Variants in PIGL observed in about 807,000 individuals in gnomAD.
The protein encoded by PIGL is N-acetylglucosaminyl-phosphatidylinositol de-N-acetylase.
A neutral mutation model predicts 31.1 loss-of-function variants in PIGL; 22 were observed. The observed-to-expected ratio is 0.71, with a 90% CI of 0.51 to 1.01. The LOEUF (loss-of-function observed/expected upper bound fraction) is 1.01. PIGL is among the 50% of genes least tolerant of loss of function. The pLI is 0.00. For missense variants in PIGL, 302 were observed against 315.9 expected (o/e 0.96, Z 0.33); for synonymous variants, 131 against 117.4 (o/e 1.12, Z -0.75).
intron 2 of PIGL, among the ~76,000 whole-genome samples, chr17:16,237,169 G>A (rs1420529072): frequency 1.4e-5 from 2 of 141,274 alleles, no homozygotes; most frequent in Non-Finnish European, 3.0e-5. Flanking sequence ...GTGCAGTGGT[G>A]CCATCTCAGC....
chr17:16,255,541 T>C (rs1279189817), intron 2 of PIGL, among the ~76,000 whole-genome samples: 2 of 152,238 alleles, frequency 1.3e-5, no homozygotes, highest in African/African-American at 4.8e-5. Context: ...AATAAATCCA[T>C]GCAAATCGTA....
intron 4 of PIGL, among the ~76,000 whole-genome samples, chr17:16,315,498 G>T (rs950511822): frequency 2.6e-5 from 4 of 151,852 alleles, no homozygotes; most frequent in African/African-American, 9.7e-5. Flanking sequence ...CCTGTCCCCA[G>T]GGCTCACTCC....
At chr17:16,246,120 G>A (rs1204152613) in intron 2 of PIGL, among the ~76,000 whole-genome samples, 1 of 151,710 alleles carries the variant, frequency 6.6e-6, no homozygotes, top group East Asian at 2.0e-4. Context: ...ACTGCGCCCG[G>A]TCATGGCACC....
intron 2 of PIGL, among the ~76,000 whole-genome samples, chr17:16,244,361 T>C (rs969699950): frequency 6.6e-6 from 1 of 152,120 alleles, no homozygotes; most frequent in Non-Finnish European, 1.5e-5. Flanking sequence ...AGCTTGGAGG[T>C]TAGAAGCAAG....
chr17:16,300,657 G>A (rs1249348674), intron 3 of PIGL, among the ~76,000 whole-genome samples: 1 of 151,616 alleles, frequency 6.6e-6, no homozygotes, highest in Non-Finnish European at 1.5e-5. Context: ...TCCAGCCTGG[G>A]TGGCAGAGTG....
At chr17:16,310,357 C>T (rs1302820831) in intron 3 of PIGL, among the ~76,000 whole-genome samples, 1 of 150,252 alleles carries the variant, frequency 6.7e-6, no homozygotes, top group Non-Finnish European at 1.5e-5. Context: ...TAACTATGTA[C>T]TTATCTTTTC....
Position 16,234,001 on chromosome 17 carries a change from A to G in PIGL, c.266A>G (p.Lys89Arg), listed in dbSNP as rs559720553. 8 of 1,609,704 alleles carry G rather than the reference A, an allele frequency of 5.0e-6. No homozygotes were observed. The African/African-American group carries it at 9.3e-5, about 19-fold the overall frequency. Residue 89 changes from lysine to arginine, a missense_variant, in exon 2 of 7, where the codon AAG becomes AGG. Transcript: ENST00000225609. Reference protein sequence around the residue: ...GNYYNQGETRKKELLQSCDVL... With the variant: ...GNYYNQGETRRKELLQSCDVL... ...TACTACAATCAAGGAGAGACTCGTA[A>G]GAAAGAACTTTTGCAGAGCTGTGAT...
intron 1 of PIGL, among the ~76,000 whole-genome samples, chr17:16,224,798 G>A (rs944056987): frequency 3.9e-5 from 6 of 151,960 alleles, no homozygotes; most frequent in African/African-American, 9.7e-5. Context: ...CTGGGACTAC[G>A]GGCATGTGCC....
chr17:16,237,805 CAAA>C (rs57265734), intron 2 of PIGL, among the ~76,000 whole-genome samples: 11 of 101,742 alleles, frequency 1.1e-4, no homozygotes, highest in Admixed American at 1.2e-4. Flanking sequence ...GTCTCAAAAG[CAAA>C]AAAAAAAAAA....
intron 1 of PIGL, among the ~76,000 whole-genome samples, chr17:16,223,397 C>T (rs1046412463): frequency 2.0e-5 from 3 of 150,998 alleles, no homozygotes; most frequent in African/African-American, 7.3e-5. Flanking sequence ...GCAAACACGG[C>T]GAAACCCCAT....
intron 6 of PIGL, among the ~76,000 whole-genome samples, chr17:16,318,737 C>T (rs2093089672): frequency 6.6e-6 from 1 of 151,302 alleles, no homozygotes; most frequent in South Asian, 2.1e-4. Flanking sequence ...TCAAGACCAG[C>T]CTGGCCAACA....
chr17:16,256,942 C>A (rs1030265096), intron 2 of PIGL, among the ~76,000 whole-genome samples: 2 of 152,032 alleles, frequency 1.3e-5, no homozygotes, highest in Admixed American at 6.6e-5. Context: ...CCCACTTCAG[C>A]CTCCTAAAGT....
intron 2 of PIGL, among the ~76,000 whole-genome samples, chr17:16,276,886 GTATAA>G: frequency 6.6e-6 from 1 of 152,290 alleles, no homozygotes; most frequent in African/African-American, 2.4e-5. Flanking sequence ...CTCATTATTT[GTATAA>G]AGTGCAGCAA....
intron 4 of PIGL, 110 bp from the exon 5 acceptor site, chr17:16,316,571 T>G (rs544917321): frequency 7.6e-5 from 80 of 1,051,442 alleles, no homozygotes; most frequent in Admixed American, 4.8e-4. Flanking sequence ...ACCTGGAGAC[T>G]CACATGGAGG....
At chr17:16,271,166 T>G (rs73287425) in intron 2 of PIGL, among the ~76,000 whole-genome samples, 7,421 of 152,238 alleles carry the variant, frequency 0.049, 624 homozygotes, top group African/African-American at 0.17. Context: ...TTAGGAATTA[T>G]TCTTCTTTAG....
intron 2 of PIGL, among the ~76,000 whole-genome samples, chr17:16,248,763 T>C (rs2092759046): frequency 6.6e-6 from 1 of 152,248 alleles, no homozygotes; most frequent in South Asian, 2.1e-4. Flanking sequence ...TATGTATCTG[T>C]TACTTCACAG....
In PIGL at chr17:16,317,574, A is replaced by G. The variant is rs148236336; in HGVS notation, c.527-201A>G. The G allele has an allele frequency of 2.1e-3, 2,901 of 1,368,972 alleles. 50 individuals carry two copies. In the African/African-American group the frequency reaches 0.036, roughly 17 times the overall value. The allele number at this position is 1,368,972 out of a possible 1,614,324, so 84.8% of individuals were successfully genotyped here. A position where few individuals can be genotyped will look rare whatever the true frequency, so the allele number is the denominator to read the frequency against. On this transcript the variant is annotated intron_variant, in intron 5 of 6. Transcript: ENST00000225609. ...ACCGCAGGGTAGAGGGTAGCCAGCCAGGTCTTCTATGGCCCTTTTACTCGT... is the reference window on the plus strand; with the variant it reads ...ACCGCAGGGTAGAGGGTAGCCAGCCGGGTCTTCTATGGCCCTTTTACTCGT...
At chr17:16,320,824 G>T (rs998198739) in intron 6 of PIGL, among the ~76,000 whole-genome samples, 5 of 151,054 alleles carry the variant, frequency 3.3e-5, no homozygotes, top group Non-Finnish European at 1.5e-5. Context: ...TAATAGAGAT[G>T]GGATTTCACC....
At chr17:16,250,077 G>A (rs190499459) in intron 2 of PIGL, among the ~76,000 whole-genome samples, 15 of 152,216 alleles carry the variant, frequency 9.9e-5, no homozygotes, top group African/African-American at 1.2e-4. Flanking sequence ...CTCCCAAGTC[G>A]CTGGGATTAC....
Sources: gnomAD v4.1 joint callset for allele counts (sites outside exome capture counted in the v4.1 genomes callset) on GRCh38, gnomAD v4.1.1 for gene constraint, MANE v1.5 for transcripts, NCBI Gene and HGNC (gene_info 2026-07-23, HGNC 2026-07-21) for gene names.